Variants in PKD2 observed in about 807,000 individuals in gnomAD.
PKD2 encodes polycystin-2.
PKD2 carries 48 observed loss-of-function variants against 105.9 expected under a neutral mutation model. The ratio of observed to expected loss-of-function variants is 0.45; its 90% confidence interval spans 0.36 to 0.58. The LOEUF is 0.58. Among genes scored for constraint, PKD2 ranks in the 20% least tolerant of loss-of-function variants. The pLI, the probability that PKD2 is intolerant of heterozygous loss-of-function variation, is 0.00. For missense variants in PKD2, 1,078 were observed against 1,255.3 expected (o/e 0.86, Z 2.13); for synonymous variants, 464 against 481.1 (o/e 0.96, Z 0.46).
At chr4:88,072,937 G>A (rs1185753537) in intron 13 of PKD2, among the ~76,000 whole-genome samples, 1 of 151,324 alleles carries the variant, frequency 6.6e-6, no homozygotes, top group African/African-American at 2.4e-5. Context: ...TCGGGAGCCT[G>A]AAGTGGGAGG....
chr4:88,020,205 A>T (rs1472248669), intron 2 of PKD2, among the ~76,000 whole-genome samples: 1 of 152,248 alleles, frequency 6.6e-6, no homozygotes, highest in Admixed American at 6.5e-5. Context: ...TAAAGTCTGC[A>T]TAAGAATTGT....
intron 7 of PKD2, among the ~76,000 whole-genome samples, chr4:88,053,187 C>G (rs1276825170): frequency 6.6e-6 from 1 of 152,194 alleles, no homozygotes; most frequent in Non-Finnish European, 1.5e-5. Flanking sequence ...AAACGCAGTT[C>G]CTTGGTCCTA....
chr4:88,061,981 G>A lies in PKD2; in HGVS notation c.2095G>A (p.Glu699Lys). 6.5e-7 allele frequency: 1 copy of A among 1,548,708 alleles called. No homozygotes were observed. Among genetic ancestry groups the A allele is most frequent in the Non-Finnish European group, 8.9e-7 (1 of 1,120,972 alleles). Residue 699 changes from glutamate to lysine, a missense_variant, in exon 10 of 15, where the codon GAA becomes AAA. This residue lies in a region of PKD2 where 868 missense variants were observed against 1,067.3 expected (regional missense o/e 0.81). Transcript: ENST00000237596. ...SDLAQQKAEM[E>K]LSDLIRKGYH... The stretch of plus-strand genomic sequence containing the variant: ...CTTGGCACAGCAGAAAGCTGAAATG[G>A]AACTCTCAGATCTTATCAGAAAGGT...
intron 10 of PKD2, among the ~76,000 whole-genome samples, chr4:88,063,259 AAG>A (rs1184948125): frequency 6.6e-6 from 1 of 152,220 alleles, no homozygotes; most frequent in African/African-American, 2.4e-5. Context: ...ATAATTGAAA[AAG>A]AGAATGGGTG....
At chr4:88,058,631 T>C (rs1191290943) in intron 9 of PKD2, among the ~76,000 whole-genome samples, 1 of 152,138 alleles carries the variant, frequency 6.6e-6, no homozygotes, top group Non-Finnish European at 1.5e-5. Context: ...ATGTCAAAAT[T>C]AGGATATTCT....
intron 4 of PKD2, among the ~76,000 whole-genome samples, chr4:88,039,333 C>T (rs1341788706): frequency 6.6e-6 from 1 of 152,110 alleles, no homozygotes; most frequent in Non-Finnish European, 1.5e-5. Flanking sequence ...TTCCAGTATA[C>T]ACTCTATTTA....
chr4:88,019,598 T>C (rs903815418), intron 2 of PKD2, 27 bp downstream of exon 2: 1 of 1,226,910 alleles, frequency 8.2e-7, no homozygotes, highest in Non-Finnish European at 1.2e-6. Context: ...CTTGCACTAA[T>C]GGGAAAGTTT....
intron 6 of PKD2, among the ~76,000 whole-genome samples, chr4:88,049,700 C>A (rs549224067): frequency 6.6e-6 from 1 of 152,136 alleles, no homozygotes; most frequent in Admixed American, 6.5e-5. Context: ...TTTTATCTAG[C>A]CAAAATTTGC....
At chr4:88,012,340 A>G (rs1381030934) in intron 1 of PKD2, among the ~76,000 whole-genome samples, 6 of 152,216 alleles carry the variant, frequency 3.9e-5, no homozygotes, top group Non-Finnish European at 8.8e-5. Context: ...ATTTAATTCC[A>G]GGCACTTTGT....
In PKD2 at chr4:88,008,348, A is replaced by C. The variant is rs1239084661; in HGVS notation, c.595+20A>C. The C allele has an allele frequency of 6.7e-7, 1 of 1,498,960 alleles. No homozygotes were observed. Among genetic ancestry groups the C allele is most frequent in the Non-Finnish European group, 8.9e-7 (1 of 1,128,206 alleles). 92.9% of individuals were successfully genotyped at this position (1,498,960 alleles called of 1,614,324 possible). ...TGCGAGGTAAGAGCGCGCGACCCGCAGCGGCAGATGCACGAACCAGAACGG... is the reference window on the plus strand; with the variant it reads ...TGCGAGGTAAGAGCGCGCGACCCGCCGCGGCAGATGCACGAACCAGAACGG... On this transcript the variant is annotated intron_variant, in intron 1 of 14. Transcript: ENST00000237596.
At chr4:88,032,080 C>CCATTCA (rs1364715751) in intron 2 of PKD2, among the ~76,000 whole-genome samples, 1 of 152,016 alleles carries the variant, frequency 6.6e-6, no homozygotes, top group African/African-American at 2.4e-5. Context: ...AGAGTCTAAA[C>CCATTCA]CATTCACAGT....
chr4:88,040,730 A>G (rs1350898263), intron 4 of PKD2, among the ~76,000 whole-genome samples: 1 of 152,152 alleles, frequency 6.6e-6, no homozygotes, highest in Non-Finnish European at 1.5e-5. Flanking sequence ...TTGACCGCTC[A>G]TTCTTTTGAC....
At chr4:88,065,727 A>C (rs1246383148) in intron 11 of PKD2, 35 bp from the exon 12 acceptor site, 1 of 1,470,914 alleles carries the variant, frequency 6.8e-7, no homozygotes, top group Admixed American at 1.7e-5. Context: ...GGGTACAAGG[A>C]ATGATTTTTA....
chr4:88,058,300 C>T (rs1276872826), intron 9 of PKD2, among the ~76,000 whole-genome samples, 197 bp downstream of exon 9: 4 of 152,078 alleles, frequency 2.6e-5, no homozygotes. Flanking sequence ...TTTCTGTGGT[C>T]TTTCATTGAT....
chr4:88,044,822 T>C (rs1278582063), intron 5 of PKD2, among the ~76,000 whole-genome samples: 1 of 152,158 alleles, frequency 6.6e-6, no homozygotes, highest in Non-Finnish European at 1.5e-5. Context: ...GTTTGGGATT[T>C]TGAAGCATTT....
At chr4:88,018,988 T>A (rs1726655580) in intron 1 of PKD2, among the ~76,000 whole-genome samples, 1 of 152,202 alleles carries the variant, frequency 6.6e-6, no homozygotes, top group South Asian at 2.1e-4. Flanking sequence ...AACAAGGACT[T>A]CTTTTCATCA....
chr4:88,068,677 C>T (rs926064901), intron 13 of PKD2, among the ~76,000 whole-genome samples: 7 of 152,098 alleles, frequency 4.6e-5, no homozygotes, highest in African/African-American at 1.7e-4. Context: ...TATGGTTCGT[C>T]CTGAAGAATG....
intron 2 of PKD2, among the ~76,000 whole-genome samples, chr4:88,022,786 T>TA (rs1346333860): frequency 6.6e-6 from 1 of 152,078 alleles, no homozygotes; most frequent in African/African-American, 2.4e-5. Context: ...GGGTAATTTA[T>TA]AAAAAAAGAG....
intron 13 of PKD2, among the ~76,000 whole-genome samples, chr4:88,070,548 GTTATTTAT>G (rs1296373655): frequency 2.2e-5 from 3 of 133,544 alleles, no homozygotes; most frequent in East Asian, 4.2e-4. Context: ...AGCTCCTCTA[GTTATTTAT>G]TTATTTATTT....
Sources: gnomAD v4.1 joint callset for allele counts (sites outside exome capture counted in the v4.1 genomes callset) on GRCh38, gnomAD v4.1.1 for gene constraint, gnomAD v4.1.1 regional missense constraint, MANE v1.5 for transcripts, NCBI Gene and HGNC (gene_info 2026-07-23, HGNC 2026-07-21) for gene names.